Variants in DHX35 observed in about 807,000 individuals in gnomAD.
The protein encoded by DHX35 is DEAH-box helicase 35.
In DHX35, 84 loss-of-function variants were observed where a neutral mutation model predicts 99.6. The ratio of observed to expected loss-of-function variants is 0.84; its 90% CI spans 0.71 to 1.01. DHX35 has a LOEUF of 1.01. Among genes scored for constraint, DHX35 ranks in the 50% least tolerant of loss-of-function variants. The pLI is 0.00. For synonymous variants in DHX35, 331 were observed against 316.2 expected, an observed-to-expected ratio of 1.05 and a Z score of -0.50; for missense variants, 852 against 888.5, an observed-to-expected ratio of 0.96 and a Z score of 0.52.
chr20:39,009,421 T>C (rs1038275835), intron 12 of DHX35, among the ~76,000 whole-genome samples: 1 of 152,070 alleles, frequency 6.6e-6, no homozygotes, highest in African/African-American at 2.4e-5. Flanking sequence ...TTTTTTTTTT[T>C]CCTCTAGTTA....
rs546712837 is a variant in DHX35, at chr20:39,008,492, G to A, written c.1223-1788G>A. ...CCAAGAAATCATGGACTAAAGATAG[G>A]CAGGTGGATTTGGGTGAAAAGTCAC... On this transcript the variant is annotated intron_variant, in intron 12 of 21. Coordinates refer to ENST00000252011, the MANE Select transcript of DHX35 (RefSeq NM_021931.4). 4.6e-5 allele frequency among the ~76,000 whole-genome samples: 7 copies of A among 152,322 alleles called. No individual in the cohort carries two copies. The South Asian group carries it at 1.4e-3, about 32-fold the overall frequency.
At chr20:39,034,480 T>C (rs2087112050) in intron 21 of DHX35, among the ~76,000 whole-genome samples, 163 bp downstream of exon 21, 1 of 152,212 alleles carries the variant, frequency 6.6e-6, no homozygotes, top group Non-Finnish European at 1.5e-5. Context: ...GGGAAAGCAC[T>C]CTAGCGTTTA....
chr20:38,966,784 C>A (rs2085918365), intron 1 of DHX35, among the ~76,000 whole-genome samples: 1 of 152,126 alleles, frequency 6.6e-6, no homozygotes, highest in Non-Finnish European at 1.5e-5. Flanking sequence ...AGGTTTAAAA[C>A]ATGATTTGAA....
intron 1 of DHX35, 111 bp downstream of exon 1, chr20:38,962,518 G>A (rs2085847474): frequency 7.4e-7 from 1 of 1,355,880 alleles, no homozygotes; most frequent in South Asian, 1.3e-5. Context: ...ACCTCGGCGA[G>A]CTGGGCGCTG....
At chr20:39,023,104 GA>G in intron 16 of DHX35, among the ~76,000 whole-genome samples, 1 of 152,246 alleles carries the variant, frequency 6.6e-6, no homozygotes, top group East Asian at 1.9e-4. Context: ...GAGGAGGAGA[GA>G]GACAAGAACA....
intron 18 of DHX35, 92 bp from the exon 19 acceptor site, chr20:39,028,326 G>A (rs906665717): frequency 7.9e-7 from 1 of 1,259,140 alleles, no homozygotes; most frequent in Non-Finnish European, 1.2e-6. Flanking sequence ...AGCAGCCTGG[G>A]GTGGTGCTGG....
At chr20:38,994,994 T>C (rs2086404892) in intron 8 of DHX35, 114 bp downstream of exon 8, 2 of 828,858 alleles carry the variant, frequency 2.4e-6, no homozygotes, top group Admixed American at 4.3e-5. Context: ...CTATCTTCTT[T>C]ATGGGACCAT....
At chr20:38,987,603 T>C (rs572632368) in intron 4 of DHX35, among the ~76,000 whole-genome samples, 1 of 152,358 alleles carries the variant, frequency 6.6e-6, no homozygotes, top group Admixed American at 6.5e-5. Flanking sequence ...GTTCATTCTT[T>C]TAAATATTTT....
chr20:39,023,543 G>C, intron 16 of DHX35, 147 bp from the exon 17 acceptor site: 1 of 632,822 alleles, frequency 1.6e-6, no homozygotes, highest in Admixed American at 2.5e-5. Flanking sequence ...TGTAGACATG[G>C]GGTTTACCTA....
At chr20:39,009,751 G>A (rs2086670768) in intron 12 of DHX35, among the ~76,000 whole-genome samples, 2 of 152,006 alleles carry the variant, frequency 1.3e-5, no homozygotes, top group Admixed American at 1.3e-4. Context: ...TTCCTGGTAG[G>A]GCATGTAAAC....
At position 39,031,249 on chromosome 20, in the gene DHX35, G is replaced by A. The variant is rs533264776; in HGVS notation, c.1955+474G>A. ...CTACTCACTCATCCACTCAGCAAAC[G>A]TTCATTTTCAACCACTGACTGGATG... On this transcript the variant is annotated intron_variant, in intron 20 of 21. Coordinates refer to ENST00000252011, the MANE Select transcript of DHX35 (RefSeq NM_021931.4). Among the ~76,000 whole-genome samples the A allele has an allele frequency of 5.3e-5, 8 of 151,518 alleles. No homozygotes were observed. The East Asian group carries it at 1.4e-3, about 26-fold the overall frequency.
chr20:38,992,327 C>G (rs769030245), intron 6 of DHX35, 29 bp from the exon 7 acceptor site: 1 of 1,608,084 alleles, frequency 6.2e-7, no homozygotes, highest in African/African-American at 1.3e-5. Flanking sequence ...TTTTTAGAGG[C>G]TCACTGAGAG....
chr20:39,003,674 T>C (rs902388518), intron 10 of DHX35, 75 bp from the exon 11 acceptor site: 1 of 1,526,182 alleles, frequency 6.6e-7, no homozygotes, highest in Non-Finnish European at 8.9e-7. Context: ...CCAACTTTTA[T>C]TTTCTTTCAG....
chr20:38,996,222 T>G (rs575395620), intron 8 of DHX35, among the ~76,000 whole-genome samples: 1 of 152,362 alleles, frequency 6.6e-6, no homozygotes, highest in Admixed American at 6.5e-5. Flanking sequence ...TGTTTCTCAC[T>G]TGTCTATCAC....
Position 39,010,424 on chromosome 20 carries a change from TG to T in DHX35, c.1347+24del. The T allele has an allele frequency of 1.9e-6, 3 of 1,613,278 alleles. No homozygotes were observed. Among genetic ancestry groups the T allele is most frequent in the Non-Finnish European group, 2.5e-6 (3 of 1,179,488 alleles). On this transcript the variant is annotated intron_variant, in intron 13 of 21. Transcript: ENST00000252011. ...ATGTCGGTAAGTCCTGCCTGCTGTC[TG>T]GGGCCATAGGGAGGCTAGGGAGCTC...
chr20:38,984,367 T>A (rs1299501777), intron 4 of DHX35, among the ~76,000 whole-genome samples: 1 of 152,256 alleles, frequency 6.6e-6, no homozygotes, highest in African/African-American at 2.4e-5. Flanking sequence ...TGTGAACATT[T>A]GTGAACATCA....
chr20:38,995,926 C>T (rs1289120487), intron 8 of DHX35, among the ~76,000 whole-genome samples: 2 of 152,168 alleles, frequency 1.3e-5, no homozygotes, highest in African/African-American at 4.8e-5. Flanking sequence ...ACCTGCCAGG[C>T]CCTCATGGGT....
intron 16 of DHX35, among the ~76,000 whole-genome samples, chr20:39,023,099 G>C (rs1193238211): frequency 6.6e-6 from 1 of 152,178 alleles, no homozygotes; most frequent in African/African-American, 2.4e-5. Flanking sequence ...ACCTGGAGGA[G>C]GAGAGAGACA....
chr20:38,972,638 C>G lies in DHX35; in HGVS notation c.254C>G (p.Thr85Arg). The part of the protein sequence containing the change: ...IVGETGCGKS[T>R]QIPQYLAEAG... ...GGTGAAACAGGATGTGGGAAGAGCA[C>G]ACAGATTCCTCAGGTGAGTACATAT... is the stretch of plus-strand genomic sequence containing the variant. Residue 85 changes from threonine (T) to arginine (R), a missense_variant, in exon 3 of 22, where the codon ACA becomes AGA. Thr to Arg is a moderately conservative substitution (Grantham distance 71, BLOSUM62 -1). Transcript: ENST00000252011. 1.2e-6 allele frequency: 2 copies of G among 1,610,792 alleles called. No homozygotes were observed. Among genetic ancestry groups the G allele is most frequent in the Non-Finnish European group, 1.7e-6 (2 of 1,177,170 alleles).
Sources: allele counts gnomAD v4.1 joint callset (sites outside exome capture counted in the v4.1 genomes callset), GRCh38; gene constraint gnomAD v4.1.1; transcripts MANE v1.5; gene names NCBI Gene and HGNC (gene_info 2026-07-23, HGNC 2026-07-21).